Variants in LCP2 observed in about 807,000 individuals in gnomAD.
LCP2 encodes the protein lymphocyte cytosolic protein 2.
Under a neutral mutation model 74.5 loss-of-function variants are expected in LCP2, and 29 were observed. The observed-to-expected ratio is 0.39, with a 90% CI of 0.29 to 0.53. The LOEUF (loss-of-function observed/expected upper bound fraction) is 0.53, where lower values mean the gene tolerates loss of function less well. LCP2 is among the 20% of genes least tolerant of loss of function. The probability of loss-of-function intolerance (pLI) is 0.72; values close to 1 mark genes in which losing one functional copy is unlikely to be tolerated. For missense variants in LCP2, 604 were observed against 634.6 expected (o/e 0.95, Z 0.52); for synonymous variants, 228 against 229.5 (o/e 0.99, Z 0.06).
intron 18 of LCP2, among the ~76,000 whole-genome samples, chr5:170,252,735 G>T (rs1761474635): frequency 6.6e-6 from 1 of 152,294 alleles, no homozygotes; most frequent in Non-Finnish European, 1.5e-5. Flanking sequence ...AAATGCCTGT[G>T]AATAAGAGTT....
At chr5:170,276,722 A>T (rs1473678001) in intron 3 of LCP2, among the ~76,000 whole-genome samples, 1 of 152,152 alleles carries the variant, frequency 6.6e-6, no homozygotes, top group Non-Finnish European at 1.5e-5. Flanking sequence ...AGCCCCACTT[A>T]GTACCCACTG....
Position 170,277,210 on chromosome 5 carries a change from C to T in LCP2, c.189-1350G>A, listed in dbSNP as rs543825547. Among the ~76,000 whole-genome samples the T allele has an allele frequency of 1.6e-4, 25 of 152,200 alleles. No homozygotes were observed. The South Asian group carries it at 2.3e-3, about 14-fold the overall frequency. On this transcript the variant is annotated intron_variant, in intron 3 of 20. Coordinates refer to ENST00000046794, the MANE Select transcript of LCP2 (RefSeq NM_005565.5). Reference sequence around the variant, plus strand: ...AATTTCCAAGCCAGTGCCCTTTCAACGCACACACCCCTGTGTCAGTTCCCT... The same window carrying T: ...AATTTCCAAGCCAGTGCCCTTTCAATGCACACACCCCTGTGTCAGTTCCCT...
chr5:170,261,482 C>T (rs4526123), intron 13 of LCP2, among the ~76,000 whole-genome samples: 13,795 of 149,928 alleles, frequency 0.092, 2,029 homozygotes, highest in African/African-American at 0.31. Context: ...CACACACACA[C>T]ACATGTGGTT....
chr5:170,255,479 T>A (rs183444707), intron 17 of LCP2, among the ~76,000 whole-genome samples: 24 of 152,356 alleles, frequency 1.6e-4, no homozygotes, highest in African/African-American at 5.0e-4. Context: ...CAGCATTTTT[T>A]AAAAATTTAA....
In LCP2 at chr5:170,248,505, G is replaced by T; in HGVS notation, c.*192C>A. ...ACTCATGCACTTTACAAACATTGAA[G>T]AAGAATAAATAAATTATGGGATAGT... On this transcript the variant is annotated 3_prime_UTR_variant, in exon 21 of 21. Transcript: ENST00000046794. 1 of 568,840 alleles carries T rather than the reference G, an allele frequency of 1.8e-6. No homozygotes were observed. The allele number at this position is 568,840 out of a possible 1,614,324, so 35.2% of individuals were successfully genotyped here.
At chr5:170,270,939 C>T (rs759255697) in intron 6 of LCP2, 22 bp from the exon 7 acceptor site, 5 of 1,594,842 alleles carry the variant, frequency 3.1e-6, no homozygotes, top group Non-Finnish European at 4.3e-6. Flanking sequence ...GTGATAGGGA[C>T]AGTGCAGTTT....
chr5:170,251,264 G>T (rs186139276), intron 19 of LCP2: 71 of 199,774 alleles, frequency 3.6e-4, no homozygotes, highest in Non-Finnish European at 6.2e-4. Context: ...TAGTATTCCT[G>T]TGAGTTAATT....
chr5:170,285,642 C>T (rs1359464809), intron 3 of LCP2, among the ~76,000 whole-genome samples: 2 of 152,146 alleles, frequency 1.3e-5, no homozygotes, highest in African/African-American at 2.4e-5. Flanking sequence ...GGCACTCTAC[C>T]GAATGACTAT....
chr5:170,283,485 C>A (rs1350760390), intron 3 of LCP2, among the ~76,000 whole-genome samples: 4 of 152,194 alleles, frequency 2.6e-5, no homozygotes, highest in Admixed American at 2.6e-4. Context: ...ATAGCTACAG[C>A]CCTAGGGGAG....
At chr5:170,263,809 A>G (rs1021865939) in intron 10 of LCP2, among the ~76,000 whole-genome samples, 2 of 152,190 alleles carry the variant, frequency 1.3e-5, no homozygotes, top group African/African-American at 2.4e-5. Context: ...TTGAATCCCA[A>G]TGTTATCATC....
At chr5:170,258,193 G>A (rs2113159874) in intron 15 of LCP2, 27 bp from the exon 16 acceptor site, 1 of 1,612,596 alleles carries the variant, frequency 6.2e-7, no homozygotes, top group Non-Finnish European at 8.5e-7. Flanking sequence ...AACAATGAAT[G>A]AGATTGGCAG....
chr5:170,278,677 G>C (rs569027418), intron 3 of LCP2, among the ~76,000 whole-genome samples: 2 of 152,220 alleles, frequency 1.3e-5, no homozygotes, highest in Admixed American at 1.3e-4. Flanking sequence ...TCACAAGGCT[G>C]CTTTGGATCT....
rs1236494974 is a variant in LCP2 at position 170,247,350 on chromosome 5, T to C, written c.*1347A>G. The C allele has an allele frequency of 6.6e-6, 1 of 152,238 alleles. No homozygotes were observed. Among genetic ancestry groups the C allele is most frequent in the Non-Finnish European group, 1.5e-5 (1 of 68,042 alleles). The allele number at this position is 152,238 out of a possible 1,614,324, so 9.4% of individuals were successfully genotyped here. Reference sequence around the variant, plus strand: ...TTAAAAGTCTCTACCTTCTGCATACTCCTTATTTTAACATATCATCAGTTT... The same window carrying C: ...TTAAAAGTCTCTACCTTCTGCATACCCCTTATTTTAACATATCATCAGTTT... On this transcript the variant is annotated 3_prime_UTR_variant, in exon 21 of 21. Coordinates refer to ENST00000046794, the MANE Select transcript of LCP2 (RefSeq NM_005565.5).
At position 170,252,182 on chromosome 5, in the gene LCP2, A is replaced by G. The variant is rs1030323509; in HGVS notation, c.1323+252T>C. The G allele has an allele frequency of 9.6e-6, 3 of 311,448 alleles. No individual in the cohort carries two copies. In the East Asian group the frequency reaches 1.6e-4, roughly 16 times the overall value. 19.3% of individuals were successfully genotyped at this position (311,448 alleles called of 1,614,324 possible). A position where few individuals can be genotyped will look rare whatever the true frequency, so the allele number is the denominator to read the frequency against. ...GACAAGACAGACTCTTTCATTAATA[A>G]AATCTCCTAAGATGCTGCCAACCAA... is the stretch of plus-strand genomic sequence containing the variant. On this transcript the variant is annotated intron_variant, in intron 19 of 20. Transcript: ENST00000046794.
chr5:170,269,854 C>A (rs1471712459), intron 7 of LCP2, among the ~76,000 whole-genome samples: 1 of 152,202 alleles, frequency 6.6e-6, no homozygotes, highest in Non-Finnish European at 1.5e-5. Context: ...CTCCACTTCC[C>A]TGTATATGAA....
chr5:170,271,002 C>T lies in LCP2; in HGVS notation c.325-85G>A, dbSNP rs533638585. ...CTGTGCCTACTCTCTCCCTGCCAAGCCTCACAACAGTATAACCCGGGACCA... is the reference window on the plus strand; with the variant it reads ...CTGTGCCTACTCTCTCCCTGCCAAGTCTCACAACAGTATAACCCGGGACCA... On this transcript the variant is annotated intron_variant, in intron 6 of 20. Transcript: ENST00000046794. 4.1e-6 allele frequency: 5 copies of T among 1,224,186 alleles called. No homozygotes were observed. In the African/African-American group the frequency reaches 7.9e-5, roughly 19 times the overall value. 75.8% of individuals were successfully genotyped at this position (1,224,186 alleles called of 1,614,324 possible).
Position 170,250,782 on chromosome 5 carries a change from T to A in LCP2, c.1427A>T (p.Tyr476Phe), listed in dbSNP as rs375365359. 33 of 1,613,034 alleles carry A rather than the reference T, an allele frequency of 2.0e-5. No individual in the cohort carries two copies. In the African/African-American group the frequency reaches 4.4e-4, roughly 21 times the overall value. Reference protein sequence around the residue: ...KDKVYNIQIRYQKESQVYLLG... With the variant: ...KDKVYNIQIRFQKESQVYLLG... Reference sequence around the variant, plus strand: ...CAAGTAAACTTGACTTTCCTTCTGATAACGGATCTGGATGTTGTAAACTTT... The same window carrying A: ...CAAGTAAACTTGACTTTCCTTCTGAAAACGGATCTGGATGTTGTAAACTTT... The change falls in exon 20 of 21, where the codon TAT becomes TTT. Residue 476 changes from tyrosine to phenylalanine, a missense_variant. Tyr to Phe is a conservative substitution (Grantham distance 22, BLOSUM62 3). Transcript: ENST00000046794.
At position 170,276,009 on chromosome 5, in the gene LCP2, C is replaced by T. The variant is rs1023355598; in HGVS notation, c.189-149G>A. 4.3e-5 allele frequency: 28 copies of T among 650,196 alleles called. No homozygotes were observed. The African/African-American group carries it at 4.7e-4, about 11-fold the overall frequency. 40.3% of individuals were successfully genotyped at this position (650,196 alleles called of 1,614,324 possible). On this transcript the variant is annotated intron_variant, in intron 3 of 20. Transcript: ENST00000046794. The stretch of plus-strand genomic sequence containing the variant: ...TCTTTGTCACCTCTGCAGGGACCCT[C>T]TGCTCTTCACTTCCTCCCAGAACTT...
chr5:170,276,183 T>G (rs1050481358), intron 3 of LCP2, among the ~76,000 whole-genome samples: 2 of 152,180 alleles, frequency 1.3e-5, no homozygotes, highest in Non-Finnish European at 2.9e-5. Flanking sequence ...CCTCCAAAAA[T>G]CAGGAGCCTT....
Sources: allele counts gnomAD v4.1 joint callset (sites outside exome capture counted in the v4.1 genomes callset), GRCh38; gene constraint gnomAD v4.1.1; transcripts MANE v1.5; gene names NCBI Gene and HGNC (gene_info 2026-07-23, HGNC 2026-07-21).